The following JAK1 variants were observed in gnomAD, a reference collection of about 807,000 sequenced individuals.
JAK1 encodes the protein tyrosine-protein kinase JAK1.
Under a neutral mutation model 136.6 loss-of-function variants are expected in JAK1, and 16 were observed. That is an observed-to-expected ratio of 0.12 (90% confidence interval 0.08 to 0.18). The LOEUF is 0.18. JAK1 is among the 10% of genes least tolerant of loss of function. The pLI is 1.00. For synonymous variants in JAK1, 492 were observed against 519.5 expected (o/e 0.95, Z 0.72); for missense variants, 859 against 1,450.1 (o/e 0.59, Z 6.62).
chr1:64,907,563 G>C (rs560705123), intron 1 of JAK1, among the ~76,000 whole-genome samples: 2 of 152,088 alleles, frequency 1.3e-5, no homozygotes, highest in African/African-American at 2.4e-5. Context: ...AGGAGGGAGA[G>C]GATCAGGAAA....
intron 1 of JAK1, among the ~76,000 whole-genome samples, chr1:65,050,489 C>G (rs1361898477): frequency 6.6e-6 from 1 of 152,206 alleles, no homozygotes; most frequent in Non-Finnish European, 1.5e-5. Flanking sequence ...ACTTGATTCC[C>G]TGACAAAGGC....
chr1:65,026,518 C>T (rs1438256901), intron 2 of JAK1, among the ~76,000 whole-genome samples: 1 of 152,198 alleles, frequency 6.6e-6, no homozygotes, highest in Admixed American at 6.5e-5. Flanking sequence ...GTTAGCTAAT[C>T]CCTTCCTCCT....
intron 1 of JAK1, among the ~76,000 whole-genome samples, chr1:64,955,607 T>C (rs1224250529): frequency 6.6e-6 from 1 of 152,210 alleles, no homozygotes; most frequent in Non-Finnish European, 1.5e-5. Context: ...AGGTGGAGTT[T>C]GGATTGTTTT....
intron 1 of JAK1, among the ~76,000 whole-genome samples, chr1:64,893,208 G>A (rs1185347375): frequency 6.6e-6 from 1 of 152,168 alleles, no homozygotes; most frequent in East Asian, 1.9e-4. Context: ...GAAAGAGTAT[G>A]CAGACAGGAA....
rs1646582658 is a variant in JAK1 at position 64,984,820 on chromosome 1, A to G, written c.-78+59660T>C. ...ATAATAAAAACGTAGGCTCCTAAAT[A>G]GTAAGCAGCAGAAGGGAAAAGCAAT... is the stretch of plus-strand genomic sequence containing the variant. On this transcript the variant is annotated intron_variant, in intron 2 of 25. Coordinates refer to the JAK1 transcript ENST00000671954. The surrounding 1 kb of genome is among the most constrained non-coding windows in gnomAD (Gnocchi z 4.1). 1 of 1,115,994 alleles carries G rather than the reference A, an allele frequency of 9.0e-7. No individual in the cohort carries two copies. The highest frequency in any genetic ancestry group is 1.5e-5 in the African/African-American group (1 of 64,522). 69.1% of individuals were successfully genotyped at this position (1,115,994 alleles called of 1,614,324 possible).
At chr1:64,917,833 T>C (rs185760430) in intron 1 of JAK1, among the ~76,000 whole-genome samples, 247 of 152,288 alleles carry the variant, frequency 1.6e-3, no homozygotes, top group Non-Finnish European at 1.7e-3. Flanking sequence ...TGCAGTCTTC[T>C]AGGTACCTCC....
chr1:64,944,629 A>G (rs561002726), intron 1 of JAK1, among the ~76,000 whole-genome samples: 1 of 152,312 alleles, frequency 6.6e-6, no homozygotes, highest in Admixed American at 6.5e-5. Context: ...AAACATGTGC[A>G]TGTGTTGGGG....
rs114462541 is a variant in JAK1 at position 64,877,917 on chromosome 1, A to G, written c.329+1108T>C. Among the ~76,000 whole-genome samples the G allele has an allele frequency of 9.1e-3, 1,392 of 152,350 alleles. 24 individuals carry two copies. Among genetic ancestry groups the G allele is most frequent in the African/African-American group, 0.032 (1,333 of 41,574 alleles). On this transcript the variant is annotated intron_variant, in intron 4 of 24. Coordinates refer to ENST00000342505, the MANE Select transcript of JAK1 (RefSeq NM_002227.4). ...TCCTCTCCAGGTGAGACTTTGGTTA[A>G]GCATAGAAAGAAGAGGAAAAAGTCA...
At chr1:64,928,517 C>G (rs1039378610) in intron 1 of JAK1, among the ~76,000 whole-genome samples, 1 of 152,140 alleles carries the variant, frequency 6.6e-6, no homozygotes, top group Non-Finnish European at 1.5e-5. Flanking sequence ...AAGGATGTCA[C>G]TTGAGCACAC....
chr1:64,860,007 T>C, intron 9 of JAK1, 98 bp downstream of exon 9: 1 of 1,038,320 alleles, frequency 9.6e-7, no homozygotes, highest in Non-Finnish European at 1.3e-6. Context: ...CCAGGCAGCA[T>C]GGTCAACTGG....
At chr1:64,979,503 TTATA>T (rs1646525560) in intron 2 of JAK1, 1 of 152,242 alleles carries the variant, frequency 6.6e-6, no homozygotes, top group African/African-American at 2.4e-5. Flanking sequence ...TACATAGAAA[TTATA>T]TATTCTCAGA....
At chr1:64,870,875 G>C (rs948168406) in intron 5 of JAK1, among the ~76,000 whole-genome samples, 1 of 152,168 alleles carries the variant, frequency 6.6e-6, no homozygotes, top group African/African-American at 2.4e-5. Context: ...CCAGTAATGT[G>C]TGAAGAGCAA....
At chr1:64,886,757 C>CACAG (rs1471079247) in intron 1 of JAK1, among the ~76,000 whole-genome samples, 2 of 137,334 alleles carry the variant, frequency 1.5e-5, no homozygotes, top group African/African-American at 5.6e-5. Flanking sequence ...TGTCTACACA[C>CACAG]ACACACACAC....
At chr1:64,917,238 G>A (rs1645413949) in intron 1 of JAK1, among the ~76,000 whole-genome samples, 1 of 152,134 alleles carries the variant, frequency 6.6e-6, no homozygotes. Context: ...GGCACCCAAT[G>A]CCTGCAAAAT....
chr1:64,847,684 A>G lies in JAK1; in HGVS notation c.1756-9T>C. 6.2e-7 allele frequency: 1 copy of G among 1,613,202 alleles called. No individual in the cohort carries two copies. The highest frequency in any genetic ancestry group is 8.5e-7 in the Non-Finnish European group (1 of 1,179,590). On this transcript the variant is annotated splice_polypyrimidine_tract_variant and intron_variant, in intron 12 of 24. Transcript: ENST00000342505. ...CTCCCAAGGTGCTCGCCCTGAGGGA[A>G]GAAGCAGAAGGCTGGGTGACCTCTC...
intron 2 of JAK1, among the ~76,000 whole-genome samples, chr1:65,036,963 G>A (rs913889761): frequency 4.6e-5 from 7 of 152,312 alleles, no homozygotes; most frequent in Admixed American, 4.6e-4. Context: ...GAGTCAGGTG[G>A]ATCACTTGAG....
chr1:64,918,132 C>T (rs1374015469), intron 1 of JAK1, among the ~76,000 whole-genome samples: 2 of 152,142 alleles, frequency 1.3e-5, no homozygotes, highest in East Asian at 3.9e-4. Flanking sequence ...TGACTGTTAC[C>T]TCTGAGGGAA....
rs371961405 is a variant in JAK1, at chr1:64,844,532, G to A, written c.2251+222C>T. 2.0e-5 allele frequency among the ~76,000 whole-genome samples: 3 copies of A among 152,266 alleles called. No homozygotes were observed. Among genetic ancestry groups the A allele is most frequent in the South Asian group, 4.1e-4 (2 of 4,820 alleles). On this transcript the variant is annotated intron_variant, in intron 16 of 24. Coordinates refer to ENST00000342505, the MANE Select transcript of JAK1 (RefSeq NM_002227.4). The surrounding 1 kb of genome is among the most constrained non-coding windows in gnomAD (Gnocchi z 5.7). ...GGATCAGCAAAACATCCCAGGGTGG[G>A]GGCCATCACCCAGGGCAGGAGGACG...
chr1:64,843,951 T>A, intron 17 of JAK1, 113 bp downstream of exon 17: 1 of 1,255,930 alleles, frequency 8.0e-7, no homozygotes. Context: ...CGTGAAGAGA[T>A]TCAAACCCAT....
Sources: gnomAD v4.1 joint callset for allele counts (sites outside exome capture counted in the v4.1 genomes callset) on GRCh38, gnomAD v4.1.1 for gene constraint, Gnocchi (gnomAD v3.1) non-coding constraint, MANE v1.5 for transcripts, NCBI Gene and HGNC (gene_info 2026-07-23, HGNC 2026-07-21) for gene names.